FGF14: variants seen among roughly 807,000 people sequenced by gnomAD.
The protein encoded by FGF14 is fibroblast growth factor 14.
FGF14 carries 5 observed loss-of-function variants against 25.5 expected under a neutral mutation model. The ratio of observed to expected loss-of-function variants is 0.20; its 90% CI spans 0.10 to 0.41. The LOEUF (loss-of-function observed/expected upper bound fraction) is 0.41. Among genes scored for constraint, FGF14 ranks in the 10% least tolerant of loss-of-function variants. The pLI is 1.00. For synonymous variants in FGF14, 138 were observed against 118.3 expected (o/e 1.17, Z -1.08); for missense variants, 222 against 320.1 (o/e 0.69, Z 2.34).
chr13:102,255,760 G>A (rs2052407355), intron 1 of FGF14, among the ~76,000 whole-genome samples: 1 of 152,130 alleles, frequency 6.6e-6, no homozygotes. Flanking sequence ...GGTTACTATT[G>A]CCTGATTTTG....
intron 1 of FGF14, among the ~76,000 whole-genome samples, chr13:102,126,619 T>C (rs1454045537): frequency 6.6e-6 from 1 of 152,180 alleles, no homozygotes; most frequent in Non-Finnish European, 1.5e-5. Context: ...TAATTTCATA[T>C]TTTTTTGAGA....
intron 3 of FGF14, among the ~76,000 whole-genome samples, chr13:101,760,800 A>G (rs1322116784): frequency 6.6e-6 from 1 of 152,132 alleles, no homozygotes. Context: ...TGATTTTTGA[A>G]ACTTATTTGT....
At chr13:101,944,378 T>G (rs1165753374) in intron 1 of FGF14, among the ~76,000 whole-genome samples, 1 of 152,056 alleles carries the variant, frequency 6.6e-6, no homozygotes. Context: ...TGGTCAATCT[T>G]GTATGCAAAC....
chr13:102,292,208 AC>A (rs1418875322), intron 1 of FGF14: 1 of 150,584 alleles, frequency 6.6e-6, no homozygotes, highest in African/African-American at 2.5e-5. Flanking sequence ...CCAGAAATTG[AC>A]AAAAACTGAC....
rs1201204051 is a variant in FGF14, at chr13:101,989,888, G to T, written c.209-114592C>A. Among the ~76,000 whole-genome samples the T allele has an allele frequency of 2.0e-5, 3 of 152,012 alleles. No individual in the cohort carries two copies. The East Asian group carries it at 5.8e-4, about 29-fold the overall frequency. On this transcript the variant is annotated intron_variant, in intron 1 of 4. Transcript: ENST00000376131. ...TGTCATCCTGTAGTTATTTCACTGA[G>T]AACTTTTAACTATAAATTCTTGCCA...
chr13:101,800,847 G>C (rs929853006), intron 3 of FGF14, among the ~76,000 whole-genome samples: 1 of 152,146 alleles, frequency 6.6e-6, no homozygotes, highest in South Asian at 2.1e-4. Flanking sequence ...GTGTGCAGCT[G>C]TGCTCTAACA....
At chr13:102,083,588 G>C (rs2043744303) in intron 1 of FGF14, among the ~76,000 whole-genome samples, 1 of 152,162 alleles carries the variant, frequency 6.6e-6, no homozygotes, top group Admixed American at 6.6e-5. Context: ...GCCAACGAAA[G>C]AAGCTCTAAA....
chr13:101,984,863 T>C (rs2038475965), intron 1 of FGF14, among the ~76,000 whole-genome samples: 2 of 152,116 alleles, frequency 1.3e-5, no homozygotes, highest in Non-Finnish European at 2.9e-5. Context: ...CAGGTAGCAT[T>C]ATAGAATCTG....
intron 1 of FGF14, among the ~76,000 whole-genome samples, chr13:101,979,533 A>G (rs960938043): frequency 2.0e-5 from 3 of 152,198 alleles, no homozygotes; most frequent in Non-Finnish European, 2.9e-5. Flanking sequence ...CATGATTTAC[A>G]TCAGGTCCCC....
At chr13:102,084,273 T>C (rs2043783153) in intron 1 of FGF14, among the ~76,000 whole-genome samples, 1 of 152,210 alleles carries the variant, frequency 6.6e-6, no homozygotes, top group South Asian at 2.1e-4. Flanking sequence ...ACATACTCTA[T>C]TGTAATTATT....
chr13:101,881,898 T>C (rs1243551413), intron 1 of FGF14, among the ~76,000 whole-genome samples: 1 of 152,156 alleles, frequency 6.6e-6, no homozygotes, highest in African/African-American at 2.4e-5. Context: ...CAGGAACTTT[T>C]ATGTATCCTT....
chr13:101,823,689 G>A (rs532271034), intron 3 of FGF14, among the ~76,000 whole-genome samples: 36 of 150,530 alleles, frequency 2.4e-4, no homozygotes, highest in African/African-American at 7.8e-4. Context: ...CACCTGCCTC[G>A]GCCTCCCAAA....
chr13:101,940,004 T>C (rs79668337), intron 1 of FGF14, among the ~76,000 whole-genome samples: 220 of 152,280 alleles, frequency 1.4e-3, no homozygotes, highest in African/African-American at 5.1e-3. Context: ...CAGAGAGCTC[T>C]GGGTGGGATG....
At chr13:102,262,916 A>C (rs572032860) in intron 1 of FGF14, 1 of 356,586 alleles carries the variant, frequency 2.8e-6, no homozygotes, top group African/African-American at 2.1e-5. Flanking sequence ...AGAGAGAAAA[A>C]AATATATATT....
intron 1 of FGF14, among the ~76,000 whole-genome samples, chr13:102,275,641 T>A (rs551632823): frequency 6.6e-6 from 1 of 151,982 alleles, no homozygotes; most frequent in South Asian, 2.1e-4. Flanking sequence ...GATCTCAGAC[T>A]TTTATGCCTA....
At chr13:102,331,335 T>C (rs2056627008) in intron 1 of FGF14, among the ~76,000 whole-genome samples, 1 of 152,200 alleles carries the variant, frequency 6.6e-6, no homozygotes, top group South Asian at 2.1e-4. Flanking sequence ...AACATGGATA[T>C]TGGTATAATC....
At position 101,916,718 on chromosome 13, in the gene FGF14, C is replaced by A; in HGVS notation, c.-73G>T. The A allele has an allele frequency of 1.5e-6, 2 of 1,341,608 alleles. No homozygotes were observed. The highest frequency in any genetic ancestry group is 2.7e-5 in the Admixed American group (1 of 36,428). 83.1% of individuals were successfully genotyped at this position (1,341,608 alleles called of 1,614,324 possible). On this transcript the variant is annotated 5_prime_UTR_variant, in exon 1 of 5. Coordinates refer to ENST00000376143, the MANE Select transcript of FGF14 (RefSeq NM_004115.4). The stretch of plus-strand genomic sequence containing the variant: ...GAGCCGGGGGCACCGGAGGGGAAGG[C>A]GGCGGCGCAGACCGTGGCTCGCCCT...
intron 1 of FGF14, among the ~76,000 whole-genome samples, chr13:102,049,813 T>A (rs1234864908): frequency 6.6e-6 from 1 of 152,056 alleles, no homozygotes; most frequent in African/African-American, 2.4e-5. Context: ...TGGAGAGAGC[T>A]GTCCACAATC....
At chr13:102,311,527 G>A (rs1048234146) in intron 1 of FGF14, among the ~76,000 whole-genome samples, 1 of 152,096 alleles carries the variant, frequency 6.6e-6, no homozygotes, top group African/African-American at 2.4e-5. Flanking sequence ...GGACAGGTTG[G>A]AGGTGTGGAA....
Sources: allele counts gnomAD v4.1 joint callset (sites outside exome capture counted in the v4.1 genomes callset), GRCh38; gene constraint gnomAD v4.1.1; transcripts MANE v1.5; gene names NCBI Gene and HGNC (gene_info 2026-07-23, HGNC 2026-07-21).